COL4A6: variants seen among roughly 807,000 people sequenced by gnomAD.
COL4A6 encodes the protein collagen type IV alpha 6 chain, also known as collagen alpha-6(IV) chain.
Under a neutral mutation model 126.7 loss-of-function variants are expected in COL4A6, and 59 were observed. The observed-to-expected ratio is 0.47, with a 90% CI of 0.38 to 0.58. COL4A6 has a LOEUF of 0.58. Among genes scored for constraint, COL4A6 ranks in the 20% least tolerant of loss-of-function variants. The probability of loss-of-function intolerance (pLI) is 0.00; values close to 1 mark genes in which losing one functional copy is unlikely to be tolerated. For missense variants in COL4A6, 1,285 were observed against 1,337.3 expected (o/e 0.96, Z 0.61); for synonymous variants, 547 against 496.6 (o/e 1.10, Z -1.35).
chrX:108,174,378 G>C (rs969333233), intron 31 of COL4A6, 62 bp downstream of exon 31: 2 of 1,100,147 alleles, frequency 1.8e-6, no homozygotes, highest in Non-Finnish European at 2.5e-6. Flanking sequence ...GGCAGTGGGG[G>C]TATATCCCCG....
At position 108,188,541 on chromosome X, in the gene COL4A6, AC is replaced by A; in HGVS notation, c.1562del (p.Gly521ValfsTer11). 1 of 1,147,778 alleles carries A rather than the reference AC, an allele frequency of 8.7e-7. No individual in the cohort carries two copies. The highest frequency in any genetic ancestry group is 2.7e-5 in the Admixed American group (1 of 37,074). The allele number at this position is 1,147,778 out of a possible 1,213,427, so 94.6% of individuals were successfully genotyped here. A position where few individuals can be genotyped will look rare whatever the true frequency, so the allele number is the denominator to read the frequency against. On this transcript the variant is annotated frameshift_variant, in exon 21 of 45. Coordinates refer to ENST00000334504, the MANE Select transcript of COL4A6 (RefSeq NM_033641.4). LOFTEE classifies it high-confidence loss of function. ...CTGGAGCCCCTGCTGGGCCCTGTGC[AC>A]CCCCAGAGCCTCGATCTCCTCTGGC... ...KGARGDRGSG[G>X]AQGPAGAPGL... is the part of the protein sequence containing the mutation.
intron 23 of COL4A6, among the ~76,000 whole-genome samples, chrX:108,182,698 T>G (rs1286671714): frequency 1.8e-5 from 2 of 112,282 alleles, no homozygotes; most frequent in African/African-American, 6.5e-5. Context: ...AGAGGGATCC[T>G]GCAAAAGACT....
At chrX:108,298,677 G>T (rs910474103) in intron 3 of COL4A6, among the ~76,000 whole-genome samples, 3 of 110,348 alleles carry the variant, frequency 2.7e-5, no homozygotes, top group African/African-American at 3.3e-5. Context: ...AGGCCCTGCG[G>T]GGGCTGGTTA....
At chrX:108,215,815 C>T (rs1282467818) in intron 5 of COL4A6, among the ~76,000 whole-genome samples, 2 of 111,171 alleles carry the variant, frequency 1.8e-5, no homozygotes, top group African/African-American at 6.5e-5. Flanking sequence ...TTGAGTTAGT[C>T]GTTCCACCAT....
chrX:108,339,243 C>G (rs2039503199), intron 2 of COL4A6, among the ~76,000 whole-genome samples: 1 of 112,447 alleles, frequency 8.9e-6, no homozygotes, highest in Non-Finnish European at 1.9e-5. Context: ...GCTTCTGAAT[C>G]CCACATCACA....
At chrX:108,202,855 G>A in intron 13 of COL4A6, 73 bp downstream of exon 13, 1 of 867,568 alleles carries the variant, frequency 1.2e-6, no homozygotes, top group South Asian at 2.1e-5. Context: ...AGGTCTTTCT[G>A]TTAGCCTTCT....
intron 5 of COL4A6, among the ~76,000 whole-genome samples, chrX:108,215,835 T>C (rs1374400958): frequency 9.0e-6 from 1 of 111,514 alleles, no homozygotes; most frequent in Non-Finnish European, 1.9e-5. Context: ...TCCATTGTTG[T>C]TTCCCTTAAT....
chrX:108,352,795 T>C (rs1161424363), intron 2 of COL4A6, among the ~76,000 whole-genome samples: 1 of 112,347 alleles, frequency 8.9e-6, no homozygotes, highest in Non-Finnish European at 1.9e-5. Flanking sequence ...CCTAAGGGAT[T>C]ACGTGCTTAC....
chrX:108,416,184 G>T (rs1319449734), intron 2 of COL4A6, among the ~76,000 whole-genome samples: 1 of 112,076 alleles, frequency 8.9e-6, no homozygotes, highest in African/African-American at 3.2e-5. Flanking sequence ...TTAAATCCCA[G>T]TTCTGCCACT....
At chrX:108,340,186 T>C (rs2039524638) in intron 2 of COL4A6, among the ~76,000 whole-genome samples, 1 of 111,798 alleles carries the variant, frequency 8.9e-6, no homozygotes, top group Non-Finnish European at 1.9e-5. Context: ...TTCATTAGAA[T>C]GTCTGTGATG....
intron 3 of COL4A6, among the ~76,000 whole-genome samples, chrX:108,233,866 G>C (rs943167282): frequency 8.9e-6 from 1 of 112,101 alleles, no homozygotes; most frequent in Non-Finnish European, 1.9e-5. Context: ...CTATGGACTA[G>C]TAAAGCCCTC....
intron 2 of COL4A6, among the ~76,000 whole-genome samples, chrX:108,381,312 C>A: frequency 9.0e-6 from 1 of 111,651 alleles, no homozygotes; most frequent in South Asian, 3.8e-4. Flanking sequence ...AGGGGCAGCT[C>A]ATTAAGTCCA....
intron 3 of COL4A6, among the ~76,000 whole-genome samples, chrX:108,295,873 T>C (rs926624835): frequency 1.8e-5 from 2 of 112,167 alleles, no homozygotes; most frequent in African/African-American, 6.5e-5. Context: ...TGGTAGTTAA[T>C]GGCTTGAATA....
At chrX:108,252,499 C>A (rs2036874791) in intron 3 of COL4A6, among the ~76,000 whole-genome samples, 1 of 111,093 alleles carries the variant, frequency 9.0e-6, no homozygotes, top group African/African-American at 3.3e-5. Flanking sequence ...ACATATACAC[C>A]CAGTAGTAAG....
At chrX:108,191,314 C>T (rs2035032572) in intron 19 of COL4A6, 79 bp downstream of exon 19, 4 of 1,094,129 alleles carry the variant, frequency 3.7e-6, no homozygotes, top group Middle Eastern at 2.6e-4. Context: ...CTGTGAGATG[C>T]CCCCTCAAAA....
chrX:108,433,941 T>C (rs913048284), intron 2 of COL4A6, among the ~76,000 whole-genome samples: 1 of 111,982 alleles, frequency 8.9e-6, no homozygotes, highest in Non-Finnish European at 1.9e-5. Context: ...GCACCTGTGG[T>C]AAAATTATGA....
At chrX:108,338,757 C>G (rs1025998053) in intron 2 of COL4A6, among the ~76,000 whole-genome samples, 2 of 112,020 alleles carry the variant, frequency 1.8e-5, no homozygotes, top group Non-Finnish European at 3.8e-5. Context: ...TTTGTTTGGT[C>G]TGGCCCTAGA....
intron 3 of COL4A6, among the ~76,000 whole-genome samples, chrX:108,288,624 A>G (rs761401673): frequency 1.1e-4 from 12 of 111,296 alleles, no homozygotes; most frequent in East Asian, 2.8e-4. Flanking sequence ...TAAGAAGCTT[A>G]GTGCCAGCTT....
At chrX:108,249,111 G>T (rs144655900) in intron 3 of COL4A6, among the ~76,000 whole-genome samples, 547 of 110,339 alleles carry the variant, frequency 5.0e-3, no homozygotes, top group African/African-American at 0.018. Flanking sequence ...AATAATAATA[G>T]AAATAAAGCA....
Sources: allele counts gnomAD v4.1 joint callset (sites outside exome capture counted in the v4.1 genomes callset), GRCh38; gene constraint gnomAD v4.1.1; transcripts MANE v1.5; gene names NCBI Gene and HGNC (gene_info 2026-07-23, HGNC 2026-07-21).